Variants in GABRR1 observed in about 807,000 individuals in gnomAD.
GABRR1 encodes the protein gamma-aminobutyric acid type A receptor subunit rho1.
In GABRR1, 59 loss-of-function variants were observed where a neutral mutation model predicts 55.5. The observed-to-expected ratio is 1.06, with a 90% CI of 0.86 to 1.32. GABRR1 has a LOEUF of 1.32. Ranked by LOEUF, GABRR1 falls within the 40% of genes most tolerant of loss-of-function variation. The pLI is 0.00. For missense variants in GABRR1, 602 were observed against 619.1 expected (o/e 0.97, Z 0.29); for synonymous variants, 213 against 226.0 (o/e 0.94, Z 0.51).
chr6:89,217,062 A>G (rs1199263307), intron 1 of GABRR1, 139 bp downstream of exon 1: 2 of 813,070 alleles, frequency 2.5e-6, no homozygotes, highest in Admixed American at 3.0e-5. Context: ...GCAGCAGGAG[A>G]ACAAAGGGAA....
At chr6:89,210,580 G>C (rs1483584824) in intron 1 of GABRR1, among the ~76,000 whole-genome samples, 1 of 152,168 alleles carries the variant, frequency 6.6e-6, no homozygotes, top group Non-Finnish European at 1.5e-5. Context: ...ACTTCAAGGG[G>C]AGGAGCAGGT....
intron 4 of GABRR1, 71 bp downstream of exon 4, chr6:89,199,291 G>A: frequency 1.5e-6 from 2 of 1,330,458 alleles, no homozygotes; most frequent in Admixed American, 1.7e-5. Flanking sequence ...GAATTCAGGT[G>A]CGTGGAGCTC....
At chr6:89,224,397 T>C (rs1307195880) in intron 1 of GABRR1, among the ~76,000 whole-genome samples, 1 of 152,124 alleles carries the variant, frequency 6.6e-6, no homozygotes, top group East Asian at 1.9e-4. Context: ...CAGCCTGCAT[T>C]GTGGTTTTGA....
At chr6:89,228,883 A>T (rs1430987857) in intron 1 of GABRR1, among the ~76,000 whole-genome samples, 3 of 151,100 alleles carry the variant, frequency 2.0e-5, no homozygotes, top group Admixed American at 1.3e-4. Flanking sequence ...CCCATTATTA[A>T]TGTGTGGGAG....
At chr6:89,197,135 G>T (rs1772320719) in intron 5 of GABRR1, among the ~76,000 whole-genome samples, 1 of 152,194 alleles carries the variant, frequency 6.6e-6, no homozygotes, top group Admixed American at 6.5e-5. Context: ...GGGGAATGGG[G>T]ACAGAAAGTC....
chr6:89,207,701 T>TA (rs1217114094), intron 1 of GABRR1, among the ~76,000 whole-genome samples: 4 of 152,162 alleles, frequency 2.6e-5, no homozygotes, highest in African/African-American at 9.7e-5. Flanking sequence ...CCGAGGAGCT[T>TA]AAAAAATCCC....
rs775919626 is a variant in GABRR1, at chr6:89,181,887, A to C, written c.949+18T>G. 1.8e-5 allele frequency: 28 copies of C among 1,599,418 alleles called. No homozygotes were observed. The highest frequency in any genetic ancestry group is 2.3e-5 in the Non-Finnish European group (27 of 1,172,834). On this transcript the variant is annotated intron_variant, in intron 8 of 9. Transcript: ENST00000454853. ...ATATTTGCAGATGCTTGGAATATGC[A>C]CTTGAGGTATTCCTTACCTAAGGGG...
At chr6:89,180,033 C>G (rs891311160) in intron 9 of GABRR1, among the ~76,000 whole-genome samples, 1 of 152,020 alleles carries the variant, frequency 6.6e-6, no homozygotes, top group African/African-American at 2.4e-5. Context: ...AAGATGTTCC[C>G]TAACACTTAA....
upstream of GABRR1, among the ~76,000 whole-genome samples, chr6:89,219,596 C>T (rs1057380669): frequency 2.0e-5 from 3 of 152,180 alleles, no homozygotes; most frequent in African/African-American, 4.8e-5. Flanking sequence ...CCTTGTCCAG[C>T]GGGTCCTCCA....
intron 1 of GABRR1, among the ~76,000 whole-genome samples, chr6:89,212,818 C>T (rs1188941754): frequency 6.6e-6 from 1 of 152,032 alleles, no homozygotes; most frequent in South Asian, 2.1e-4. Context: ...ACAGGCACAC[C>T]TCACCGTGGC....
chr6:89,179,182 G>T (rs1582369980), intron 9 of GABRR1, 119 bp from the exon 10 acceptor site: 1 of 1,007,516 alleles, frequency 9.9e-7, no homozygotes. Context: ...TTTGGGAAGA[G>T]GGTAGGTATC....
intron 1 of GABRR1, among the ~76,000 whole-genome samples, chr6:89,225,314 G>T: frequency 7.1e-6 from 1 of 141,670 alleles, no homozygotes; most frequent in African/African-American, 2.7e-5. Flanking sequence ...TGCACATTGT[G>T]CAGGTTAGTT....
At chr6:89,196,847 G>GAAAGAA (rs1554190855) in intron 5 of GABRR1, among the ~76,000 whole-genome samples, 1 of 122,328 alleles carries the variant, frequency 8.2e-6, no homozygotes, top group Non-Finnish European at 1.7e-5. Context: ...AAGAAAGAAA[G>GAAAGAA]AAAGAAAGAA....
At chr6:89,200,677 G>A (rs999702075) in intron 3 of GABRR1, among the ~76,000 whole-genome samples, 1 of 152,050 alleles carries the variant, frequency 6.6e-6, no homozygotes, top group Non-Finnish European at 1.5e-5. Flanking sequence ...GCTTCATAGG[G>A]CTTTGCTATT....
chr6:89,195,881 C>T (rs964945159), intron 5 of GABRR1, among the ~76,000 whole-genome samples: 2 of 152,180 alleles, frequency 1.3e-5, no homozygotes, highest in Non-Finnish European at 2.9e-5. Flanking sequence ...AGTATTTATA[C>T]TACAGAAATC....
intron 1 of GABRR1, among the ~76,000 whole-genome samples, chr6:89,212,431 TGAA>T (rs1772855704): frequency 2.9e-5 from 1 of 34,672 alleles, no homozygotes; most frequent in Non-Finnish European, 7.9e-5. Flanking sequence ...ATCGTCTCTC[TGAA>T]ATGGAAATCT....
At chr6:89,211,667 G>C (rs1772838109) in intron 1 of GABRR1, among the ~76,000 whole-genome samples, 1 of 152,118 alleles carries the variant, frequency 6.6e-6, no homozygotes, top group South Asian at 2.1e-4. Flanking sequence ...GAAGGTCTCT[G>C]ATGGCACAGC....
chr6:89,224,618 G>T (rs761225932), intron 1 of GABRR1, among the ~76,000 whole-genome samples: 12 of 152,148 alleles, frequency 7.9e-5, no homozygotes, highest in Non-Finnish European at 1.2e-4. Flanking sequence ...CCACTCTGTG[G>T]GTTGTCTGTT....
intron 2 of GABRR1, among the ~76,000 whole-genome samples, chr6:89,202,002 C>T (rs7770056): frequency 0.7 from 106,604 of 151,886 alleles, 37,721 homozygotes; most frequent in East Asian, 0.92. Flanking sequence ...CCAGTGAGTA[C>T]GGTCTGAGCC....
Sources: allele counts gnomAD v4.1 joint callset (sites outside exome capture counted in the v4.1 genomes callset), GRCh38; gene constraint gnomAD v4.1.1; transcripts MANE v1.5; gene names NCBI Gene and HGNC (gene_info 2026-07-23, HGNC 2026-07-21).